The following RBPMS variants were observed in gnomAD, a reference collection of about 807,000 sequenced individuals.
RBPMS encodes the protein RNA-binding protein with multiple splicing.
Under a neutral mutation model 26.8 loss-of-function variants are expected in RBPMS, and 7 were observed. That is an observed-to-expected ratio of 0.26 (90% CI 0.15 to 0.49). The LOEUF is 0.49. Among genes scored for constraint, RBPMS ranks in the 20% least tolerant of loss-of-function variants. The probability of loss-of-function intolerance (pLI) is 0.98; values close to 1 mark genes in which losing one functional copy is unlikely to be tolerated. For missense variants in RBPMS, 186 were observed against 250.0 expected, an observed-to-expected ratio of 0.74 and a Z score of 1.73; for synonymous variants, 96 against 93.3, an observed-to-expected ratio of 1.03 and a Z score of -0.17.
intron 1 of RBPMS, among the ~76,000 whole-genome samples, chr8:30,472,749 T>G (rs1420121543): frequency 6.6e-6 from 1 of 152,230 alleles, no homozygotes; most frequent in Non-Finnish European, 1.5e-5. Flanking sequence ...TGATTCGCAC[T>G]TCTGTGTAAC....
chr8:30,391,560 G>C (rs1807795553), intron 1 of RBPMS, among the ~76,000 whole-genome samples: 1 of 152,174 alleles, frequency 6.6e-6, no homozygotes, highest in Non-Finnish European at 1.5e-5. Context: ...TCTGGGACCA[G>C]GTATTTAAAA....
chr8:30,523,490 C>T (rs557017419), intron 5 of RBPMS, among the ~76,000 whole-genome samples: 8 of 151,156 alleles, frequency 5.3e-5, no homozygotes, highest in African/African-American at 1.9e-4. Context: ...TTGAGTACTA[C>T]ATAATGGCAT....
chr8:30,450,111 C>G (rs1301159268), intron 1 of RBPMS, among the ~76,000 whole-genome samples: 1 of 152,168 alleles, frequency 6.6e-6, no homozygotes, highest in Non-Finnish European at 1.5e-5. Flanking sequence ...TTCCTTTTCC[C>G]AAATAACTTT....
In RBPMS at chr8:30,558,768, C is replaced by A. The variant is rs748603824; in HGVS notation, c.529-119C>A. ...CCCTTGGGGAAGAGGCCCTCACAGG[C>A]TAGTGTGAGTGGGTACCATCTTGGA... On this transcript the variant is annotated intron_variant, in intron 6 of 8. Coordinates refer to ENST00000397323, the MANE Select transcript of RBPMS (RefSeq NM_001008710.3). 4 of 832,688 alleles carry A rather than the reference C, an allele frequency of 4.8e-6. No homozygotes were observed. In the African/African-American group the frequency reaches 5.0e-5, roughly 10 times the overall value. 51.6% of individuals were successfully genotyped at this position (832,688 alleles called of 1,614,324 possible).
At chr8:30,557,860 GTTT>G (rs745482246) in intron 6 of RBPMS, among the ~76,000 whole-genome samples, 15 of 152,188 alleles carry the variant, frequency 9.9e-5, no homozygotes, top group Non-Finnish European at 1.5e-5. Context: ...CCTTTTGGGT[GTTT>G]TTTGTTTTGT....
chr8:30,506,066 A>T (rs1712612571), intron 5 of RBPMS, among the ~76,000 whole-genome samples: 1 of 152,152 alleles, frequency 6.6e-6, no homozygotes, highest in Admixed American at 6.6e-5. Flanking sequence ...ACTTTTTCTG[A>T]ATTTCCTACA....
At chr8:30,487,846 T>G (rs571869439) in intron 4 of RBPMS, among the ~76,000 whole-genome samples, 1 of 152,250 alleles carries the variant, frequency 6.6e-6, no homozygotes, top group East Asian at 1.9e-4. Flanking sequence ...CTAAAACTTC[T>G]TTTCTAAAAA....
chr8:30,422,494 C>A (rs943723971), intron 1 of RBPMS, among the ~76,000 whole-genome samples: 1 of 152,084 alleles, frequency 6.6e-6, no homozygotes, highest in Non-Finnish European at 1.5e-5. Context: ...GTCTCGAACT[C>A]CTGGGCTTAA....
At chr8:30,409,880 C>T (rs1487943546) in intron 1 of RBPMS, among the ~76,000 whole-genome samples, 2 of 152,122 alleles carry the variant, frequency 1.3e-5, no homozygotes, top group Non-Finnish European at 2.9e-5. Flanking sequence ...ATCTGCCCAC[C>T]TTGGCCTCCC....
intron 1 of RBPMS, among the ~76,000 whole-genome samples, chr8:30,431,285 T>C (rs1811894347): frequency 1.3e-5 from 2 of 152,192 alleles, no homozygotes; most frequent in South Asian, 4.1e-4. Context: ...ACTTGGAATG[T>C]AGAGTCAAGG....
rs181483842 is a variant in RBPMS, at chr8:30,517,754, T to A, written c.397+13318T>A. On this transcript the variant is annotated intron_variant, in intron 5 of 8. Coordinates refer to ENST00000397323, the MANE Select transcript of RBPMS (RefSeq NM_001008710.3). ...TTCAGTTGAAGTTATAGACAATGCT[T>A]GTGCAACTGATGAAGCCAATCATTA... 6.6e-5 allele frequency among the ~76,000 whole-genome samples: 10 copies of A among 152,320 alleles called. No homozygotes were observed. In the East Asian group the frequency reaches 1.9e-3, roughly 29 times the overall value.
chr8:30,511,151 C>G (rs1309853282), intron 5 of RBPMS, among the ~76,000 whole-genome samples: 1 of 151,574 alleles, frequency 6.6e-6, no homozygotes, highest in Non-Finnish European at 1.5e-5. Context: ...CCCGCCTCTA[C>G]TAAAAATACA....
At chr8:30,482,119 A>G (rs1052574605) in intron 4 of RBPMS, among the ~76,000 whole-genome samples, 1 of 152,192 alleles carries the variant, frequency 6.6e-6, no homozygotes, top group Non-Finnish European at 1.5e-5. Context: ...ATTCAAGGTA[A>G]TGTATTTAGT....
At chr8:30,546,906 C>T (rs962463647) in intron 6 of RBPMS, among the ~76,000 whole-genome samples, 4 of 152,176 alleles carry the variant, frequency 2.6e-5, no homozygotes, top group Non-Finnish European at 4.4e-5. Context: ...CATGACTAGA[C>T]CCAGGTCACC....
At chr8:30,543,551 A>C (rs1406817086) in intron 5 of RBPMS, among the ~76,000 whole-genome samples, 1 of 152,196 alleles carries the variant, frequency 6.6e-6, no homozygotes, top group African/African-American at 2.4e-5. Context: ...ACTTGATTTC[A>C]GATTTTGACA....
At chr8:30,449,394 A>G in intron 1 of RBPMS, among the ~76,000 whole-genome samples, 1 of 126,868 alleles carries the variant, frequency 7.9e-6, no homozygotes, top group Admixed American at 8.2e-5. Context: ...TTTTTTTGAG[A>G]CAGAGTGAGA....
At chr8:30,499,596 C>A (rs1563378835) in intron 4 of RBPMS, among the ~76,000 whole-genome samples, 2 of 151,166 alleles carry the variant, frequency 1.3e-5, no homozygotes, top group African/African-American at 4.9e-5. Flanking sequence ...TAACCTGAAT[C>A]TAAACCAAAA....
At chr8:30,482,985 CA>C (rs1481403622) in intron 4 of RBPMS, among the ~76,000 whole-genome samples, 1 of 152,152 alleles carries the variant, frequency 6.6e-6, no homozygotes, top group Non-Finnish European at 1.5e-5. Context: ...AAACGGGACA[CA>C]GGAAGCAGCG....
intron 6 of RBPMS, chr8:30,549,729 T>G: frequency 1.9e-6 from 1 of 513,710 alleles, no homozygotes; most frequent in Non-Finnish European, 3.5e-6. Flanking sequence ...GGAGGCGATT[T>G]CTTTCTTTCT....
Sources: allele counts gnomAD v4.1 joint callset (sites outside exome capture counted in the v4.1 genomes callset), GRCh38; gene constraint gnomAD v4.1.1; transcripts MANE v1.5; gene names NCBI Gene and HGNC (gene_info 2026-07-23, HGNC 2026-07-21).